The following HDAC4 variants were observed in gnomAD, a reference collection of about 807,000 sequenced individuals.
HDAC4 encodes histone deacetylase A.
A neutral mutation model predicts 135.1 loss-of-function variants in HDAC4; 16 were observed. The observed-to-expected ratio is 0.12, with a 90% CI of 0.08 to 0.18. The LOEUF (loss-of-function observed/expected upper bound fraction) is 0.18. Ranked by LOEUF, HDAC4 falls within the 10% of genes least tolerant of loss-of-function variation. HDAC4 has a pLI of 1.00. For missense variants in HDAC4, 1,143 were observed against 1,511.8 expected (o/e 0.76, Z 4.05); for synonymous variants, 685 against 653.4 (o/e 1.05, Z -0.74).
intron 2 of HDAC4, among the ~76,000 whole-genome samples, chr2:239,277,936 C>T (rs2050471848): frequency 1.4e-5 from 2 of 143,360 alleles, no homozygotes; most frequent in South Asian, 2.3e-4. Flanking sequence ...TCCAGCCACA[C>T]ACGCCAGCCA....
chr2:239,272,700 G>A (rs1270504463), intron 2 of HDAC4, among the ~76,000 whole-genome samples: 1 of 152,178 alleles, frequency 6.6e-6, no homozygotes, highest in East Asian at 1.9e-4. Context: ...ACCTCTCGCA[G>A]CCAACCATCT....
rs1264963416 is a variant in HDAC4 at position 239,146,912 on chromosome 2, T to C, written c.734-2198A>G. 6.6e-6 allele frequency among the ~76,000 whole-genome samples: 1 copy of C among 152,140 alleles called. No individual in the cohort carries two copies. Among genetic ancestry groups the C allele is most frequent in the Non-Finnish European group, 1.5e-5 (1 of 68,024 alleles). On this transcript the variant is annotated intron_variant, in intron 7 of 26. Coordinates refer to ENST00000543185, the MANE Select transcript of HDAC4 (RefSeq NM_001378414.1). This position sits in a 1 kb window ranked among gnomAD's most constrained non-coding sequence, Gnocchi z 4.5. The stretch of plus-strand genomic sequence containing the variant: ...AGCCTGCACACCTGCCTGGGCTCCC[T>C]GATTCTAGCCGACTGCACGTCCCTG...
chr2:239,054,637 A>T, intron 25 of HDAC4, 112 bp downstream of exon 25: 1 of 773,362 alleles, frequency 1.3e-6, no homozygotes, highest in Admixed American at 1.7e-5. Flanking sequence ...CTGGGGAAGC[A>T]GCCGGCAGTG....
intron 3 of HDAC4, among the ~76,000 whole-genome samples, chr2:239,235,420 C>T (rs1462257949): frequency 1.3e-5 from 2 of 152,198 alleles, no homozygotes; most frequent in Non-Finnish European, 1.5e-5. Context: ...ACTGGGGCAC[C>T]GGAGGGCACA....
chr2:239,358,178 G>C (rs1357691731), intron 1 of HDAC4, among the ~76,000 whole-genome samples: 3 of 152,080 alleles, frequency 2.0e-5, no homozygotes, highest in African/African-American at 7.2e-5. Flanking sequence ...CCTTTTTGCT[G>C]CACTTATTAC....
intron 16 of HDAC4, among the ~76,000 whole-genome samples, chr2:239,100,894 C>T (rs559214089): frequency 1.6e-4 from 25 of 152,156 alleles, no homozygotes; most frequent in East Asian, 1.6e-3. Context: ...TCCAGAGGGA[C>T]GGTGGAAGGG....
chr2:239,099,317 G>A (rs1458284200), intron 16 of HDAC4, among the ~76,000 whole-genome samples: 1 of 152,236 alleles, frequency 6.6e-6, no homozygotes, highest in Admixed American at 6.5e-5. Flanking sequence ...GCGTGGAGGT[G>A]GGCGCACAGA....
chr2:239,226,682 G>A (rs2047261460), intron 3 of HDAC4, among the ~76,000 whole-genome samples: 1 of 151,758 alleles, frequency 6.6e-6, no homozygotes, highest in African/African-American at 2.4e-5. Context: ...GGTGATAAAT[G>A]TAGATAACCC....
At chr2:239,235,753 T>G (rs1025166495) in intron 3 of HDAC4, among the ~76,000 whole-genome samples, 1 of 152,180 alleles carries the variant, frequency 6.6e-6, no homozygotes, top group Non-Finnish European at 1.5e-5. Context: ...AAATGTTACC[T>G]ATGGGGCTGG....
At position 239,235,256 on chromosome 2, in the gene HDAC4, G is replaced by T. The variant is rs766929762; in HGVS notation, c.94+1337C>A. The stretch of plus-strand genomic sequence containing the variant: ...ACACAGAGAGCCTTCCCGGAGCAGG[G>T]CAAAGACACCTCCAGAACTCCGGGT... On this transcript the variant is annotated intron_variant, in intron 3 of 26. Transcript: ENST00000543185. Among the ~76,000 whole-genome samples the T allele has an allele frequency of 6.2e-3, 947 of 152,278 alleles. 19 individuals carry two copies. In the East Asian group the frequency reaches 0.085, roughly 14 times the overall value.
At chr2:239,343,075 C>A (rs1158131148) in intron 2 of HDAC4, among the ~76,000 whole-genome samples, 1 of 152,208 alleles carries the variant, frequency 6.6e-6, no homozygotes, top group Non-Finnish European at 1.5e-5. Context: ...GGCCAGCACT[C>A]CCAGTGTCTT....
chr2:239,341,172 A>G (rs528400758), intron 2 of HDAC4, among the ~76,000 whole-genome samples: 1 of 152,358 alleles, frequency 6.6e-6, no homozygotes, highest in Middle Eastern at 3.4e-3. Context: ...CATCAGAAAG[A>G]AAAAATTAAC....
rs1052533938 is a variant in HDAC4 at position 239,233,208 on chromosome 2, T to A, written c.94+3385A>T. 2.6e-5 allele frequency among the ~76,000 whole-genome samples: 4 copies of A among 152,238 alleles called. 1 individual carries two copies. Among genetic ancestry groups the A allele is most frequent in the African/African-American group, 9.6e-5 (4 of 41,468 alleles). ...TTTAAAAAAGAAAGAGAACAAAGTC[T>A]ACAGATAAAAAGTTATGAGGGAAGT... On this transcript the variant is annotated intron_variant, in intron 3 of 26. Coordinates refer to ENST00000543185, the MANE Select transcript of HDAC4 (RefSeq NM_001378414.1).
Position 239,066,731 on chromosome 2 carries a change from C to T in HDAC4, c.2994G>A (p.Leu998=), listed in dbSNP as rs775555700. The T allele has an allele frequency of 5.6e-6, 9 of 1,613,872 alleles. No individual in the cohort carries two copies. The highest frequency in any genetic ancestry group is 3.4e-6 in the Non-Finnish European group (4 of 1,180,060). ...TCTGGGGTCTTCCTACCTCGTTTCC[C>T]AGCAAGGCAGAAACACATGCTTCCG... ...DASEACVSAL[L]GNELDPLPEK... is the part of the protein sequence containing the mutation. The change falls in exon 24 of 27, where the codon CTG becomes CTA. Residue 998 remains leucine, a synonymous_variant. Coordinates refer to ENST00000543185, the MANE Select transcript of HDAC4 (RefSeq NM_001378414.1).
At position 239,235,500 on chromosome 2, in the gene HDAC4, G is replaced by A. The variant is rs77670246; in HGVS notation, c.94+1093C>T. 2.3e-3 allele frequency among the ~76,000 whole-genome samples: 346 copies of A among 152,328 alleles called. 1 individual carries two copies. Among genetic ancestry groups the A allele is most frequent in the African/African-American group, 4.2e-3 (173 of 41,570 alleles). On this transcript the variant is annotated intron_variant, in intron 3 of 26. Coordinates refer to ENST00000543185, the MANE Select transcript of HDAC4 (RefSeq NM_001378414.1). ...AAACCAGAGACCCAGGCCTCGGGACGCAGTCCCTGCAAGGCCCAGCCACAC... is the reference window on the plus strand; with the variant it reads ...AAACCAGAGACCCAGGCCTCGGGACACAGTCCCTGCAAGGCCCAGCCACAC...
intron 20 of HDAC4, among the ~76,000 whole-genome samples, chr2:239,083,628 T>C (rs2035572459): frequency 6.6e-6 from 1 of 152,182 alleles, no homozygotes. Flanking sequence ...TAAGAATGAG[T>C]ATACCTATTC....
chr2:239,153,922 C>T (rs754666813), intron 7 of HDAC4, among the ~76,000 whole-genome samples: 2 of 152,182 alleles, frequency 1.3e-5, no homozygotes, highest in Non-Finnish European at 2.9e-5. Flanking sequence ...AGGGCAGGGC[C>T]GTGACAGTGT....
At chr2:239,214,130 CAT>C (rs1559235507) in intron 3 of HDAC4, among the ~76,000 whole-genome samples, 1 of 152,216 alleles carries the variant, frequency 6.6e-6, no homozygotes, top group African/African-American at 2.4e-5. Flanking sequence ...CAGAGTCTGA[CAT>C]GGGGTTTACG....
intron 18 of HDAC4, among the ~76,000 whole-genome samples, chr2:239,089,076 C>T (rs990348752): frequency 1.3e-5 from 2 of 152,134 alleles, no homozygotes; most frequent in African/African-American, 4.8e-5. Context: ...GATTTCAGAT[C>T]CACACTGCAG....
Sources: allele counts gnomAD v4.1 joint callset (sites outside exome capture counted in the v4.1 genomes callset), GRCh38; gene constraint gnomAD v4.1.1; non-coding constraint Gnocchi (gnomAD v3.1); transcripts MANE v1.5; gene names NCBI Gene and HGNC (gene_info 2026-07-23, HGNC 2026-07-21).